The following POLA1 variants were observed in gnomAD, a reference collection of about 807,000 sequenced individuals.
The protein encoded by POLA1 is DNA polymerase alpha 1, catalytic subunit.
A neutral mutation model predicts 124.0 loss-of-function variants in POLA1; 15 were observed. The ratio of observed to expected loss-of-function variants is 0.12; its 90% CI spans 0.08 to 0.19. The LOEUF is 0.19. Ranked by LOEUF, POLA1 falls within the 10% of genes least tolerant of loss-of-function variation. The pLI is 1.00. For missense variants in POLA1, 886 were observed against 1,103.4 expected, an observed-to-expected ratio of 0.80 and a Z score of 2.79; for synonymous variants, 408 against 389.4, an observed-to-expected ratio of 1.05 and a Z score of -0.56.
chrX:24,734,564 G>A (rs1931146871), intron 17 of POLA1, among the ~76,000 whole-genome samples: 1 of 111,453 alleles, frequency 9.0e-6, no homozygotes, highest in Admixed American at 9.5e-5. Context: ...TATTTGTGAA[G>A]TGCCGTGAAT....
chrX:24,982,349 C>T (rs755566531), intron 36 of POLA1, among the ~76,000 whole-genome samples: 3 of 110,745 alleles, frequency 2.7e-5, no homozygotes, highest in East Asian at 2.8e-4. Context: ...GGTCATGTGC[C>T]GTCTGTGGCT....
At chrX:24,726,908 ATTC>A in intron 13 of POLA1, 22 bp from the exon 14 acceptor site, 1 of 1,127,205 alleles carries the variant, frequency 8.9e-7, no homozygotes, top group Non-Finnish European at 1.2e-6. Flanking sequence ...AAACAAAAAG[ATTC>A]TTTTTTTTTT....
intron 26 of POLA1, among the ~76,000 whole-genome samples, chrX:24,769,260 G>A (rs2148435781): frequency 9.0e-6 from 1 of 111,376 alleles, no homozygotes; most frequent in South Asian, 3.8e-4. Flanking sequence ...TTCATTGGCT[G>A]GATTAATGGA....
At chrX:24,876,755 A>G in intron 34 of POLA1, among the ~76,000 whole-genome samples, 1 of 111,106 alleles carries the variant, frequency 9.0e-6, no homozygotes. Context: ...TGTTGAATAT[A>G]CTGTTAAGGA....
intron 26 of POLA1, among the ~76,000 whole-genome samples, chrX:24,780,191 G>A (rs1051244276): frequency 8.9e-6 from 1 of 111,803 alleles, no homozygotes; most frequent in African/African-American, 3.3e-5. Context: ...TGGTATCAGG[G>A]TAATGCTGGC....
At chrX:24,848,971 A>G (rs943688745) in intron 34 of POLA1, among the ~76,000 whole-genome samples, 3 of 112,691 alleles carry the variant, frequency 2.7e-5, no homozygotes, top group African/African-American at 6.4e-5. Flanking sequence ...GCAGTGTTCA[A>G]TAACCCTCAA....
At chrX:24,773,911 T>G (rs2045087633) in intron 26 of POLA1, among the ~76,000 whole-genome samples, 1 of 111,937 alleles carries the variant, frequency 8.9e-6, no homozygotes, top group Non-Finnish European at 1.9e-5. Context: ...ATACGGTTTA[T>G]TGATAGGAAT....
chrX:24,877,038 T>C (rs1214121655), intron 34 of POLA1, among the ~76,000 whole-genome samples: 1 of 111,900 alleles, frequency 8.9e-6, no homozygotes, highest in Non-Finnish European at 1.9e-5. Flanking sequence ...GCGAAAAAAC[T>C]GATAATCCTG....
intron 36 of POLA1, among the ~76,000 whole-genome samples, chrX:24,989,680 G>A (rs2048514203): frequency 9.0e-6 from 1 of 110,635 alleles, no homozygotes; most frequent in East Asian, 2.8e-4. Context: ...CTATCCCATT[G>A]GCTTTGATTA....
At chrX:24,847,326 C>T (rs149612940) in intron 34 of POLA1, among the ~76,000 whole-genome samples, 2 of 112,058 alleles carry the variant, frequency 1.8e-5, no homozygotes, top group African/African-American at 3.2e-5. Context: ...TTGCCTCTAA[C>T]GGTGGAGCCT....
At chrX:24,967,357 T>C (rs2147267185) in intron 36 of POLA1, among the ~76,000 whole-genome samples, 1 of 110,684 alleles carries the variant, frequency 9.0e-6, no homozygotes, top group African/African-American at 3.3e-5. Context: ...GTATGCTGAT[T>C]GTTTGAGGGG....
At chrX:24,788,602 C>G in intron 26 of POLA1, 1 of 1,192,737 alleles carries the variant, frequency 8.4e-7, no homozygotes, top group Non-Finnish European at 1.1e-6. Flanking sequence ...CCTCTAATTT[C>G]GCCATATCTG....
chrX:24,905,001 G>A (rs1228285396), intron 35 of POLA1, among the ~76,000 whole-genome samples: 2 of 99,304 alleles, frequency 2.0e-5, no homozygotes, highest in Admixed American at 1.1e-4. Context: ...TCCAGCCTGG[G>A]CAACAGAGCA....
chrX:24,767,469 G>T (rs1468496498), intron 26 of POLA1, among the ~76,000 whole-genome samples: 1 of 111,430 alleles, frequency 9.0e-6, no homozygotes, highest in African/African-American at 3.3e-5. Context: ...CAGTTAAATT[G>T]GAGACAATAA....
At chrX:24,753,371 G>T (rs1220230321) in intron 26 of POLA1, among the ~76,000 whole-genome samples, 1 of 97,104 alleles carries the variant, frequency 1.0e-5, no homozygotes, top group Non-Finnish European at 2.0e-5. Context: ...TTTATTTTAA[G>T]AAACAGGGTC....
Position 24,843,541 on chromosome X carries a change from T to C in POLA1, c.3916-5T>C, listed in dbSNP as rs964492941. ...TTTTTTGTATACTTCTCCTGACTTA[T>C]GTAGGGAACAGATATGGAGCCCAGC... is the stretch of plus-strand genomic sequence containing the variant. On this transcript the variant is annotated splice_region_variant and splice_polypyrimidine_tract_variant and intron_variant, in intron 33 of 36. Transcript: ENST00000379068. The C allele has an allele frequency of 4.3e-6, 5 of 1,175,463 alleles. No individual in the cohort carries two copies. The highest frequency in any genetic ancestry group is 5.0e-5 in the Admixed American group (2 of 40,388).
Position 24,826,488 on chromosome X carries a change from A to G in POLA1, c.3623A>G (p.Asp1208Gly), listed in dbSNP as rs749087297. Residue 1208 changes from aspartate to glycine, a missense_variant, in exon 32 of 37, where the codon GAT (aspartate) becomes GGT (glycine). Around this residue, in one of 7 missense-constraint regions of POLA1, gnomAD observed 313 missense variants for 359.7 expected, o/e 0.87. Coordinates refer to ENST00000379068, the MANE Select transcript of POLA1 (RefSeq NM_001330360.2). ...AYAPEQLQKQDNLTIDTQYYL... is the reference protein window; with the variant it reads ...AYAPEQLQKQGNLTIDTQYYL... Reference sequence around the variant, plus strand: ...GCGCCTGAGCAGCTGCAGAAACAGGATAATCTAACCATTGACACCCAGTAC... The same window carrying G: ...GCGCCTGAGCAGCTGCAGAAACAGGGTAATCTAACCATTGACACCCAGTAC... 9.1e-6 allele frequency: 11 copies of G among 1,204,436 alleles called. No homozygotes were observed. Among genetic ancestry groups the G allele is most frequent in the Non-Finnish European group, 1.1e-5 (10 of 890,887 alleles).
intron 26 of POLA1, among the ~76,000 whole-genome samples, chrX:24,776,286 G>C (rs1047691749): frequency 2.7e-5 from 3 of 111,926 alleles, no homozygotes; most frequent in African/African-American, 9.7e-5. Context: ...GTGAAGGAAG[G>C]GGGTAAAGTA....
intron 10 of POLA1, among the ~76,000 whole-genome samples, chrX:24,722,193 AG>A (rs1406743319): frequency 8.9e-6 from 1 of 112,036 alleles, no homozygotes; most frequent in Non-Finnish European, 1.9e-5. Flanking sequence ...GTCTCAGATA[AG>A]TGGCTGTGTT....
Sources: gnomAD v4.1 joint callset for allele counts (sites outside exome capture counted in the v4.1 genomes callset) on GRCh38, gnomAD v4.1.1 for gene constraint, gnomAD v4.1.1 regional missense constraint, MANE v1.5 for transcripts, NCBI Gene and HGNC (gene_info 2026-07-23, HGNC 2026-07-21) for gene names.